COL7A1: variants seen among roughly 807,000 people sequenced by gnomAD.
COL7A1 encodes the protein collagen alpha-1(VII) chain.
In COL7A1, 296 loss-of-function variants were observed where a neutral mutation model predicts 456.2. The ratio of observed to expected loss-of-function variants is 0.65; its 90% CI spans 0.59 to 0.71. The LOEUF (loss-of-function observed/expected upper bound fraction) is 0.71. Ranked by LOEUF, COL7A1 falls within the 30% of genes least tolerant of loss-of-function variation. The probability of loss-of-function intolerance (pLI) is 0.00; values close to 1 mark genes in which losing one functional copy is unlikely to be tolerated. For missense variants in COL7A1, 3,441 were observed against 4,017.2 expected (o/e 0.86, Z 3.88); for synonymous variants, 1,464 against 1,525.9 (o/e 0.96, Z 0.95).
At position 48,566,198 on chromosome 3, in the gene COL7A1, T is replaced by G; in HGVS notation, c.8407+69A>C. On this transcript the variant is annotated intron_variant, in intron 114 of 118. Transcript: ENST00000681320. This position sits in a 1 kb window ranked among gnomAD's most constrained non-coding sequence, Gnocchi z 5.9. ...TCTTGACTGCTTGCCCTGTAAGTTC[T>G]AGGGGCCTGCCTGCCCTTGCCTAGG... 6.6e-7 allele frequency: 1 copy of G among 1,525,034 alleles called. No individual in the cohort carries two copies. The highest frequency in any genetic ancestry group is 2.0e-5 in the Admixed American group (1 of 51,190). The allele number at this position is 1,525,034 out of a possible 1,614,324, so 94.5% of individuals were successfully genotyped here. A position where few individuals can be genotyped will look rare whatever the true frequency, so the allele number is the denominator to read the frequency against.
At position 48,572,216 on chromosome 3, in the gene COL7A1, A is replaced by G. The variant is rs1452754402; in HGVS notation, c.6979-45T>C. 6.2e-7 allele frequency: 1 copy of G among 1,613,920 alleles called. No individual in the cohort carries two copies. Among genetic ancestry groups the G allele is most frequent in the Non-Finnish European group, 8.5e-7 (1 of 1,179,850 alleles). ...GGCAACACAGGCATCAGTCACAGAAAGATGAGACTCCGGAGGGAGGCATGG... is the reference window on the plus strand; with the variant it reads ...GGCAACACAGGCATCAGTCACAGAAGGATGAGACTCCGGAGGGAGGCATGG... On this transcript the variant is annotated intron_variant, in intron 90 of 118. Transcript: ENST00000681320. The surrounding 1 kb of genome is among the most constrained non-coding windows in gnomAD (Gnocchi z 4.6).
Position 48,593,623 on chromosome 3 carries a change from C to G in COL7A1, c.340G>C (p.Gly114Arg), listed in dbSNP as rs1177024674. 6.2e-7 allele frequency: 1 copy of G among 1,614,092 alleles called. No individual in the cohort carries two copies. The highest frequency in any genetic ancestry group is 2.2e-5 in the East Asian group (1 of 44,892). The change falls in exon 4 of 119, where the codon GGG becomes CGG. Residue 114 changes from glycine to arginine, a missense_variant. This residue lies in a region of COL7A1 where 913 missense variants were observed against 1,088.2 expected (regional missense o/e 0.84). Coordinates refer to ENST00000681320, the MANE Select transcript of COL7A1 (RefSeq NM_000094.4). This position sits in a 1 kb window ranked among gnomAD's most constrained non-coding sequence, Gnocchi z 4.4. ...IRAIRELSYKGGNTRTGAAIL... is the reference protein window; with the variant it reads ...IRAIRELSYKRGNTRTGAAIL... ...GCAGCCCCTGTGCGAGTGTTGCCCC[C>G]CTTGTAGCTAAGCTCACGGATGGCG...
Position 48,567,485 on chromosome 3 carries a change from TC to T in COL7A1, c.8046+88del, listed in dbSNP as rs1454597334. On this transcript the variant is annotated intron_variant, in intron 109 of 118. Transcript: ENST00000681320. The surrounding 1 kb of genome is among the most constrained non-coding windows in gnomAD (Gnocchi z 4.3). ...CCAAAGTCCCAACCCTCTACAGCCT[TC>T]CTTGTCCCTACACCCCCATGACCCG... 14 of 1,568,682 alleles carry T rather than the reference TC, an allele frequency of 8.9e-6. No individual in the cohort carries two copies. The highest frequency in any genetic ancestry group is 1.1e-5 in the Non-Finnish European group (13 of 1,139,746).
Position 48,580,269 on chromosome 3 carries a change from C to A in COL7A1, c.5097+31G>T, listed in dbSNP as rs1361580208. 1 of 1,606,632 alleles carries A rather than the reference C, an allele frequency of 6.2e-7. No individual in the cohort carries two copies. The highest frequency in any genetic ancestry group is 8.5e-7 in the Non-Finnish European group (1 of 1,176,274). ...AGCAGCGCCAGGGGACCCTCCATCC[C>A]TTCTGAGCCCAGGACACCAGCCCTA... On this transcript the variant is annotated intron_variant, in intron 56 of 118. Coordinates refer to ENST00000681320, the MANE Select transcript of COL7A1 (RefSeq NM_000094.4). The surrounding 1 kb of genome is among the most constrained non-coding windows in gnomAD (Gnocchi z 4.5).
chr3:48,565,056 G>A lies in COL7A1; in HGVS notation c.8620+53C>T, dbSNP rs913050647. 13 of 1,605,544 alleles carry A rather than the reference G, an allele frequency of 8.1e-6. No individual in the cohort carries two copies. The highest frequency in any genetic ancestry group is 8.5e-6 in the Non-Finnish European group (10 of 1,176,474). ...GAAAGGTCAGGGGGAGGTCAGCAGG[G>A]CTCAGCCCTGCCTGCCCCTCCCCAG... On this transcript the variant is annotated intron_variant, in intron 117 of 118. Coordinates refer to ENST00000681320, the MANE Select transcript of COL7A1 (RefSeq NM_000094.4). The surrounding 1 kb of genome is among the most constrained non-coding windows in gnomAD (Gnocchi z 4.5).
rs1262279442 is a variant in COL7A1, at chr3:48,595,013, G to A, written c.85+62C>T. Reference sequence around the variant, plus strand: ...GCGGGGGGTGTTGGGGATGAAGGCCGAGTGGAGCGGAGGGTGGCACGGTGC... The same window carrying A: ...GCGGGGGGTGTTGGGGATGAAGGCCAAGTGGAGCGGAGGGTGGCACGGTGC... On this transcript the variant is annotated intron_variant, in intron 2 of 118. Coordinates refer to ENST00000681320, the MANE Select transcript of COL7A1 (RefSeq NM_000094.4). The A allele has an allele frequency of 4.4e-6, 6 of 1,351,356 alleles. No individual in the cohort carries two copies. The East Asian group carries it at 7.6e-5, about 17-fold the overall frequency. 83.7% of individuals were successfully genotyped at this position (1,351,356 alleles called of 1,614,324 possible).
chr3:48,571,005 G>A lies in COL7A1; in HGVS notation c.7165-37C>T, dbSNP rs2043882704. On this transcript the variant is annotated intron_variant, in intron 94 of 118. Transcript: ENST00000681320. This position sits in a 1 kb window ranked among gnomAD's most constrained non-coding sequence, Gnocchi z 4.6. Reference sequence around the variant, plus strand: ...ACAGCAAAGGGAGGGAATGGTCAATGCAGGACCCCTCCCAGGACTCTCATC... The same window carrying A: ...ACAGCAAAGGGAGGGAATGGTCAATACAGGACCCCTCCCAGGACTCTCATC... 1.2e-6 allele frequency: 2 copies of A among 1,611,144 alleles called. No individual in the cohort carries two copies. Among genetic ancestry groups the A allele is most frequent in the Non-Finnish European group, 1.7e-6 (2 of 1,177,770 alleles).
chr3:48,578,780 G>A lies in COL7A1; in HGVS notation c.5424+139C>T, dbSNP rs1262111322. 13 of 895,092 alleles carry A rather than the reference G, an allele frequency of 1.5e-5. No homozygotes were observed. The highest frequency in any genetic ancestry group is 2.0e-5 in the Non-Finnish European group (12 of 598,842). 55.4% of individuals were successfully genotyped at this position (895,092 alleles called of 1,614,324 possible). Reference sequence around the variant, plus strand: ...AAAGGGGGATTCTACTAAAACCTGTGTGCCAGGGACTGAGACCCTCCCAAA... The same window carrying A: ...AAAGGGGGATTCTACTAAAACCTGTATGCCAGGGACTGAGACCCTCCCAAA... On this transcript the variant is annotated intron_variant, in intron 63 of 118. Transcript: ENST00000681320. This position sits in a 1 kb window ranked among gnomAD's most constrained non-coding sequence, Gnocchi z 4.7.
chr3:48,579,528 G>A lies in COL7A1; in HGVS notation c.5236-13C>T, dbSNP rs771262630. On this transcript the variant is annotated splice_polypyrimidine_tract_variant and intron_variant, in intron 59 of 118. Coordinates refer to ENST00000681320, the MANE Select transcript of COL7A1 (RefSeq NM_000094.4). The surrounding 1 kb of genome is among the most constrained non-coding windows in gnomAD (Gnocchi z 4.4). ...ACCCTTCAATGCCCTGAGGATAGGGGAGGAAGAAATCAGAGCAGGCCCTCC... is the reference window on the plus strand; with the variant it reads ...ACCCTTCAATGCCCTGAGGATAGGGAAGGAAGAAATCAGAGCAGGCCCTCC... The A allele has an allele frequency of 1.2e-6, 2 of 1,613,994 alleles. No individual in the cohort carries two copies. The highest frequency in any genetic ancestry group is 1.3e-5 in the African/African-American group (1 of 75,028).
chr3:48,586,038 T>C lies in COL7A1; in HGVS notation c.3723+36A>G. The stretch of plus-strand genomic sequence containing the variant: ...ACCAAGAACCCCCAGACCCCTTATA[T>C]TCTACCACCCAGTCCCCCAGAGGCC... On this transcript the variant is annotated intron_variant, in intron 28 of 118. Transcript: ENST00000681320. This position sits in a 1 kb window ranked among gnomAD's most constrained non-coding sequence, Gnocchi z 5.1. The C allele has an allele frequency of 5.6e-6, 9 of 1,613,480 alleles. No individual in the cohort carries two copies. The highest frequency in any genetic ancestry group is 7.6e-6 in the Non-Finnish European group (9 of 1,179,992).
rs2043692890 is a variant in COL7A1 at position 48,568,165 on chromosome 3, G to A, written c.7800C>T (p.Ser2600=). ...TACCAGGCACTCCATCCTTTCCTGGGGATCCCTAGCAGGGAGAGGGTCCAT... is the reference window on the plus strand; with the variant it reads ...TACCAGGCACTCCATCCTTTCCTGGAGATCCCTAGCAGGGAGAGGGTCCAT... The part of the protein sequence containing the change: ...GAAGIPGDPG[S]PGKDGVPGIR... Residue 2600 remains serine, a synonymous_variant, in exon 106 of 119, where the codon TCC becomes TCT. Transcript: ENST00000681320. The surrounding 1 kb of genome is among the most constrained non-coding windows in gnomAD (Gnocchi z 5.2). The A allele has an allele frequency of 1.9e-6, 3 of 1,613,222 alleles. No homozygotes were observed. The highest frequency in any genetic ancestry group is 3.3e-5 in the Admixed American group (2 of 59,998).
In COL7A1 at chr3:48,585,215, A is replaced by T. The variant is rs2045156948; in HGVS notation, c.3895-99T>A. 2 of 1,175,468 alleles carry T rather than the reference A, an allele frequency of 1.7e-6. No homozygotes were observed. Among genetic ancestry groups the T allele is most frequent in the East Asian group, 2.5e-5 (1 of 39,906 alleles). The allele number at this position is 1,175,468 out of a possible 1,614,324, so 72.8% of individuals were successfully genotyped here. A position where few individuals can be genotyped will look rare whatever the true frequency, so the allele number is the denominator to read the frequency against. ...CCATCAACAAGGGGTCGCCTACCCCACTGACCCCCAAGTGTTATTGGGGGT... is the reference window on the plus strand; with the variant it reads ...CCATCAACAAGGGGTCGCCTACCCCTCTGACCCCCAAGTGTTATTGGGGGT... On this transcript the variant is annotated intron_variant, in intron 32 of 118. Transcript: ENST00000681320. The surrounding 1 kb of genome is among the most constrained non-coding windows in gnomAD (Gnocchi z 4.5).
In COL7A1 at chr3:48,587,389, C is replaced by T; in HGVS notation, c.2992+31G>A. On this transcript the variant is annotated intron_variant, in intron 23 of 118. Transcript: ENST00000681320. The surrounding 1 kb of genome is among the most constrained non-coding windows in gnomAD (Gnocchi z 6.1). ...GCTGTCTCCACAGAGCCCCAACTGC[C>T]AGCCCACCCAAATCCTGGCCTCCCC... The T allele has an allele frequency of 6.2e-7, 1 of 1,613,132 alleles. No homozygotes were observed. The highest frequency in any genetic ancestry group is 8.5e-7 in the Non-Finnish European group (1 of 1,179,964).
In COL7A1 at chr3:48,575,921, T is replaced by A. The variant is rs748253916; in HGVS notation, c.5821-19A>T. On this transcript the variant is annotated intron_variant, in intron 71 of 118. Coordinates refer to ENST00000681320, the MANE Select transcript of COL7A1 (RefSeq NM_000094.4). The surrounding 1 kb of genome is among the most constrained non-coding windows in gnomAD (Gnocchi z 6.3). ...CCACATTCTGGGGACAAAGTCTGGGTGAAGGGCTGCCCATGACAGAGAAGC... is the reference window on the plus strand; with the variant it reads ...CCACATTCTGGGGACAAAGTCTGGGAGAAGGGCTGCCCATGACAGAGAAGC... The A allele has an allele frequency of 1.2e-5, 19 of 1,613,936 alleles. No individual in the cohort carries two copies. The highest frequency in any genetic ancestry group is 1.6e-5 in the Non-Finnish European group (19 of 1,180,020).
At position 48,573,191 on chromosome 3, in the gene COL7A1, C is replaced by T. The variant is rs2107661505; in HGVS notation, c.6697G>A (p.Gly2233Ser). 5 of 1,614,054 alleles carry T rather than the reference C, an allele frequency of 3.1e-6. No homozygotes were observed. The highest frequency in any genetic ancestry group is 4.2e-6 in the Non-Finnish European group (5 of 1,179,976). ...TGAVGLPGPP[G>S]PSGLVGPQGS... ...TCACTCACCACAAGGCCTGAAGGGC[C>T]GGGGGGTCCAGGAAGTCCCACAGCT... The change falls in exon 85 of 119, where the codon GGC (glycine) becomes AGC (serine). Residue 2233 changes from glycine to serine, a missense_variant. Physicochemically the swap from Gly to Ser is moderately conservative, Grantham distance 56 (BLOSUM62 0). This residue lies in a region of COL7A1 where 2,084 missense variants were observed against 2,501.3 expected (regional missense o/e 0.83). Coordinates refer to ENST00000681320, the MANE Select transcript of COL7A1 (RefSeq NM_000094.4). The surrounding 1 kb of genome is among the most constrained non-coding windows in gnomAD (Gnocchi z 5.5).
rs1460921901 is a variant in COL7A1 at position 48,594,677 on chromosome 3, C to A, written c.86-129G>T. The A allele has an allele frequency of 1.7e-6, 2 of 1,154,456 alleles. No homozygotes were observed. Among genetic ancestry groups the A allele is most frequent in the South Asian group, 1.5e-5 (1 of 68,632 alleles). The allele number at this position is 1,154,456 out of a possible 1,614,324, so 71.5% of individuals were successfully genotyped here. A position where few individuals can be genotyped will look rare whatever the true frequency, so the allele number is the denominator to read the frequency against. On this transcript the variant is annotated intron_variant, in intron 2 of 118. Transcript: ENST00000681320. The surrounding 1 kb of genome is among the most constrained non-coding windows in gnomAD (Gnocchi z 5.5). ...CATCTTATGCAAACCAGGGCCGAAT[C>A]GGCCTGAGCCTGAGGGCCTTGGAGG... is the stretch of plus-strand genomic sequence containing the variant.
Position 48,570,096 on chromosome 3 carries a change from G to C in COL7A1, c.7485+38C>G, listed in dbSNP as rs749224160. The C allele has an allele frequency of 1.2e-6, 2 of 1,612,294 alleles. No individual in the cohort carries two copies. Among genetic ancestry groups the C allele is most frequent in the South Asian group, 2.2e-5 (2 of 91,040 alleles). On this transcript the variant is annotated intron_variant, in intron 99 of 118. Transcript: ENST00000681320. The surrounding 1 kb of genome is among the most constrained non-coding windows in gnomAD (Gnocchi z 5.5). ...GTACAAAGGGCACAGGCAGGGGACT[G>C]AAGTCACAGCACTGTCACTTTCCCC...
Position 48,590,353 on chromosome 3 carries a change from G to A in COL7A1, c.1910C>T (p.Pro637Leu), listed in dbSNP as rs199967174. ...FRISWSTGSG[P>L]ESSQTLPPDS... Reference sequence around the variant, plus strand: ...TGGGGGCAGTGTCTGGCTGGACTCCGGACCTGAGGTCAGAGGGAAATGCTG... The same window carrying A: ...TGGGGGCAGTGTCTGGCTGGACTCCAGACCTGAGGTCAGAGGGAAATGCTG... Residue 637 changes from proline (P) to leucine (L), a missense_variant, in exon 16 of 119, where the codon CCG becomes CTG. Physicochemically the swap from Pro to Leu is moderately conservative, Grantham distance 98 (BLOSUM62 -3). This residue lies in a region of COL7A1 where 913 missense variants were observed against 1,088.2 expected (regional missense o/e 0.84). Coordinates refer to ENST00000681320, the MANE Select transcript of COL7A1 (RefSeq NM_000094.4). The surrounding 1 kb of genome is among the most constrained non-coding windows in gnomAD (Gnocchi z 4.6). 9.4e-5 allele frequency: 151 copies of A among 1,614,036 alleles called. No homozygotes were observed. In the East Asian group the frequency reaches 9.4e-4, roughly 10 times the overall value.
In COL7A1 at chr3:48,572,186, C is replaced by G. The variant is rs536685771; in HGVS notation, c.6979-15G>C. On this transcript the variant is annotated splice_polypyrimidine_tract_variant and intron_variant, in intron 90 of 118. Transcript: ENST00000681320. This position sits in a 1 kb window ranked among gnomAD's most constrained non-coding sequence, Gnocchi z 4.6. The stretch of plus-strand genomic sequence containing the variant: ...CCTTTGGCTCCCTGTTGACAGAGGT[C>G]AGGAGGCAACACAGGCATCAGTCAC... 3.7e-6 allele frequency: 6 copies of G among 1,613,924 alleles called. No homozygotes were observed.
Sources: allele counts gnomAD v4.1 joint callset, GRCh38; gene constraint gnomAD v4.1.1; regional missense constraint gnomAD v4.1.1; non-coding constraint Gnocchi (gnomAD v3.1); transcripts MANE v1.5; gene names NCBI Gene and HGNC (gene_info 2026-07-23, HGNC 2026-07-21).